The following CRYBG2 variants were observed in gnomAD, a reference collection of about 807,000 sequenced individuals.
CRYBG2 encodes beta/gamma crystallin domain-containing protein 2.
In CRYBG2, 106 loss-of-function variants were observed where a neutral mutation model predicts 153.4. The ratio of observed to expected loss-of-function variants is 0.69; its 90% CI spans 0.59 to 0.81. The LOEUF (loss-of-function observed/expected upper bound fraction) is 0.81, where lower values mean the gene tolerates loss of function less well. Among genes scored for constraint, CRYBG2 ranks in the 30% least tolerant of loss-of-function variants. CRYBG2 has a pLI of 0.00. For synonymous variants in CRYBG2, 851 were observed against 877.8 expected (o/e 0.97, Z 0.54); for missense variants, 1,996 against 2,112.0 (o/e 0.95, Z 1.08).
At position 26,327,481 on chromosome 1, in the gene CRYBG2, CAA is replaced by C. The variant is rs67397717; in HGVS notation, c.4578+726_4578+727del. On this transcript the variant is annotated intron_variant, in intron 17 of 19. Transcript: ENST00000308182. ...AGATTCCGTCTCAAAAAACAAAAAA[CAA>C]AAAAAAAAACCAAAAATTAGCCAGA... Among the ~76,000 whole-genome samples, 154 of 148,640 alleles carry C rather than the reference CAA, an allele frequency of 1.0e-3. 1 individual carries two copies. The highest frequency in any genetic ancestry group is 2.8e-3 in the South Asian group (13 of 4,572).
At chr1:26,352,884 C>T (rs958214695) in intron 1 of CRYBG2, among the ~76,000 whole-genome samples, 4 of 152,052 alleles carry the variant, frequency 2.6e-5, no homozygotes, top group African/African-American at 9.6e-5. Context: ...CTACATCTCC[C>T]TCTTCCTTGG....
intron 15 of CRYBG2, among the ~76,000 whole-genome samples, chr1:26,330,911 C>T (rs1490864011): frequency 6.6e-6 from 1 of 152,214 alleles, no homozygotes; most frequent in Non-Finnish European, 1.5e-5. Context: ...TGACTGGGTA[C>T]TGCCCCCACT....
chr1:26,336,368 G>T lies in CRYBG2; in HGVS notation c.4041C>A (p.Val1347=). The T allele has an allele frequency of 1.2e-6, 2 of 1,613,342 alleles. No individual in the cohort carries two copies. Among genetic ancestry groups the T allele is most frequent in the South Asian group, 1.1e-5 (1 of 90,842 alleles). Residue 1347 remains valine, a splice_region_variant and synonymous_variant, in exon 13 of 20, where the codon GTC becomes GTA. Coordinates refer to ENST00000308182, the MANE Select transcript of CRYBG2 (RefSeq NM_001039775.4). This position sits in a 1 kb window ranked among gnomAD's most constrained non-coding sequence, Gnocchi z 4.9. ...AGACGAAGTGCAGATCGTGCTCCCC[G>T]ACCTGAAGGTAGGGACCGAATCGAG... is the stretch of plus-strand genomic sequence containing the variant. ...TLASLQPVLQ[V]GEHDLHFVSK...
intron 15 of CRYBG2, 74 bp downstream of exon 15, chr1:26,331,415 G>T (rs2073994996): frequency 1.3e-6 from 2 of 1,571,946 alleles, no homozygotes; most frequent in Admixed American, 1.7e-5. Flanking sequence ...CCAGCACACA[G>T]GTTCTGTGTC....
chr1:26,330,815 AG>A (rs1174708522), intron 15 of CRYBG2, among the ~76,000 whole-genome samples: 3 of 152,134 alleles, frequency 2.0e-5, no homozygotes, highest in Admixed American at 1.3e-4. Context: ...CTGGGATTAC[AG>A]GCATGAGCCA....
At chr1:26,353,778 C>T (rs1470581941) in intron 1 of CRYBG2, among the ~76,000 whole-genome samples, 1 of 152,186 alleles carries the variant, frequency 6.6e-6, no homozygotes, top group Non-Finnish European at 1.5e-5. Flanking sequence ...AGGCAACCCC[C>T]CTTCCTGCCC....
chr1:26,326,323 G>A (rs1016386477), intron 17 of CRYBG2, among the ~76,000 whole-genome samples: 1 of 152,044 alleles, frequency 6.6e-6, no homozygotes, highest in Non-Finnish European at 1.5e-5. Flanking sequence ...GGATCATGAG[G>A]TCAGGAGATC....
chr1:26,331,738 TG>T (rs1343800085), intron 14 of CRYBG2, 120 bp from the exon 15 acceptor site: 2 of 1,351,384 alleles, frequency 1.5e-6, no homozygotes, highest in Non-Finnish European at 2.0e-6. Context: ...CCAGGGGAGG[TG>T]GGATGAACAG....
chr1:26,321,946 C>T lies in CRYBG2; in HGVS notation c.*22G>A, dbSNP rs1244078553. The stretch of plus-strand genomic sequence containing the variant: ...TTCATCCCAGCAAAAGCCTCCAGGG[C>T]TGGAGGGTGAGGGGAAAAGTTTCAA... On this transcript the variant is annotated 3_prime_UTR_variant, in exon 20 of 20. Coordinates refer to ENST00000308182, the MANE Select transcript of CRYBG2 (RefSeq NM_001039775.4). 2.0e-6 allele frequency: 3 copies of T among 1,532,890 alleles called. No homozygotes were observed. The African/African-American group carries it at 4.1e-5, about 21-fold the overall frequency. 95.0% of individuals were successfully genotyped at this position (1,532,890 alleles called of 1,614,324 possible).
intron 1 of CRYBG2, among the ~76,000 whole-genome samples, chr1:26,353,117 C>A (rs1387062428): frequency 6.6e-6 from 1 of 152,134 alleles, no homozygotes; most frequent in Non-Finnish European, 1.5e-5. Flanking sequence ...TTATAGAAAC[C>A]TAAGTTCAGA....
In CRYBG2 at chr1:26,337,865, C is replaced by T. The variant is rs940685364; in HGVS notation, c.3507+147G>A. 29 of 1,286,664 alleles carry T rather than the reference C, an allele frequency of 2.3e-5. No individual in the cohort carries two copies. The East Asian group carries it at 5.6e-4, about 25-fold the overall frequency. 79.7% of individuals were successfully genotyped at this position (1,286,664 alleles called of 1,614,324 possible). ...TTCTTACACATCAAAAGCCAGTTCC[C>T]AGTGAGCCCATCAGGTCCCATCCCC... On this transcript the variant is annotated intron_variant, in intron 8 of 19. Coordinates refer to ENST00000308182, the MANE Select transcript of CRYBG2 (RefSeq NM_001039775.4).
At chr1:26,350,006 G>A (rs1020781247) in intron 1 of CRYBG2, among the ~76,000 whole-genome samples, 5 of 151,776 alleles carry the variant, frequency 3.3e-5, no homozygotes, top group Non-Finnish European at 7.4e-5. Context: ...GTAGAGTTGG[G>A]GTTTCACTAT....
rs571620070 is a variant in CRYBG2 at position 26,339,389 on chromosome 1, C to T, written c.3245G>A (p.Gly1082Asp). The change falls in exon 6 of 20, where the codon GGC becomes GAC. Residue 1082 changes from glycine to aspartate, a missense_variant. Coordinates refer to ENST00000308182, the MANE Select transcript of CRYBG2 (RefSeq NM_001039775.4). ...TAGCTTCACTTGCTCCCCCTTGAGGCCCTCCTCAGAGAAGAGGCTGATTTC... is the reference window on the plus strand; with the variant it reads ...TAGCTTCACTTGCTCCCCCTTGAGGTCCTCCTCAGAGAAGAGGCTGATTTC... Reference protein sequence around the residue: ...TPEISLFSEEGLKGEQVKLTE... With the variant: ...TPEISLFSEEDLKGEQVKLTE... The T allele has an allele frequency of 1.2e-6, 2 of 1,614,188 alleles. No homozygotes were observed. The highest frequency in any genetic ancestry group is 4.5e-5 in the East Asian group (2 of 44,882).
chr1:26,341,760 A>G (rs2074132984), intron 5 of CRYBG2, among the ~76,000 whole-genome samples: 1 of 152,194 alleles, frequency 6.6e-6, no homozygotes, highest in African/African-American at 2.4e-5. Context: ...TGCTGGGATT[A>G]TAAGCGTGAG....
rs144738152 is a variant in CRYBG2, at chr1:26,329,603, C to T, written c.4315-730G>A. On this transcript the variant is annotated intron_variant, in intron 15 of 19. Transcript: ENST00000308182. ...AAAGCAATCCTCCCACCTCAGCCTC[C>T]TGAGTAGCTGAGACTACAGGCACAT... is the stretch of plus-strand genomic sequence containing the variant. Among the ~76,000 whole-genome samples the T allele has an allele frequency of 9.3e-3, 1,415 of 151,952 alleles. 6 individuals carry two copies. The highest frequency in any genetic ancestry group is 0.016 in the Non-Finnish European group (1,069 of 67,950).
At chr1:26,347,168 G>C (rs141012547) in intron 1 of CRYBG2, among the ~76,000 whole-genome samples, 2 of 152,232 alleles carry the variant, frequency 1.3e-5, no homozygotes, top group East Asian at 1.9e-4. Flanking sequence ...AGCAGAGCTG[G>C]GTTCCTTAGT....
At chr1:26,327,912 G>A (rs538561281) in intron 17 of CRYBG2, among the ~76,000 whole-genome samples, 89 of 145,468 alleles carry the variant, frequency 6.1e-4, no homozygotes, top group Middle Eastern at 3.8e-3. Flanking sequence ...TTGCCACTGC[G>A]CTCCAGCCTT....
At position 26,338,260 on chromosome 1, in the gene CRYBG2, C is replaced by T. The variant is rs148094994; in HGVS notation, c.3471+91G>A. On this transcript the variant is annotated intron_variant, in intron 7 of 19. Coordinates refer to ENST00000308182, the MANE Select transcript of CRYBG2 (RefSeq NM_001039775.4). ...AGGGGTGCTGTTTTACACTTCATCCCCCATCCCTTCCCACAGACTGCAGGA... is the reference window on the plus strand; with the variant it reads ...AGGGGTGCTGTTTTACACTTCATCCTCCATCCCTTCCCACAGACTGCAGGA... 2.5e-4 allele frequency: 386 copies of T among 1,519,074 alleles called. 1 individual carries two copies. In the African/African-American group the frequency reaches 4.1e-3, roughly 16 times the overall value. The allele number at this position is 1,519,074 out of a possible 1,614,324, so 94.1% of individuals were successfully genotyped here.
intron 1 of CRYBG2, among the ~76,000 whole-genome samples, chr1:26,351,883 C>A (rs565285416): frequency 6.6e-5 from 10 of 152,280 alleles, no homozygotes; most frequent in Non-Finnish European, 1.5e-4. Flanking sequence ...GCTCTGAAGA[C>A]ATACCCCAAT....
Sources: allele counts gnomAD v4.1 joint callset (sites outside exome capture counted in the v4.1 genomes callset), GRCh38; gene constraint gnomAD v4.1.1; non-coding constraint Gnocchi (gnomAD v3.1); transcripts MANE v1.5; gene names NCBI Gene and HGNC (gene_info 2026-07-23, HGNC 2026-07-21).